MCF2L2: variants seen among roughly 807,000 people sequenced by gnomAD.
The protein encoded by MCF2L2 is probable guanine nucleotide exchange factor MCF2L2.
Under a neutral mutation model 150.2 loss-of-function variants are expected in MCF2L2, and 102 were observed. That is an observed-to-expected ratio of 0.68 (90% CI 0.58 to 0.80). The LOEUF (loss-of-function observed/expected upper bound fraction) is 0.80. MCF2L2 is among the 30% of genes least tolerant of loss of function. The probability of loss-of-function intolerance (pLI) is 0.00; values close to 1 mark genes in which losing one functional copy is unlikely to be tolerated. For synonymous variants in MCF2L2, 465 were observed against 491.3 expected (o/e 0.95, Z 0.71); for missense variants, 1,256 against 1,372.8 (o/e 0.91, Z 1.34).
At chr3:183,228,612 A>C (rs1723436267) in intron 17 of MCF2L2, among the ~76,000 whole-genome samples, 1 of 152,180 alleles carries the variant, frequency 6.6e-6, no homozygotes, top group South Asian at 2.1e-4. Context: ...ACAAAAAGAA[A>C]AATAAGAAAG....
intron 3 of MCF2L2, among the ~76,000 whole-genome samples, chr3:183,354,847 T>C (rs1711665680): frequency 6.6e-6 from 1 of 152,176 alleles, no homozygotes; most frequent in Non-Finnish European, 1.5e-5. Flanking sequence ...TTTACAGAGT[T>C]TGGCCCTTTT....
chr3:183,302,087 C>T (rs73066049), intron 10 of MCF2L2, among the ~76,000 whole-genome samples: 11,598 of 152,082 alleles, frequency 0.076, 1,116 homozygotes, highest in African/African-American at 0.22. Context: ...CTAATGAGCT[C>T]CCCTGGTAGA....
At chr3:183,399,524 C>T (rs1329729690) in intron 1 of MCF2L2, among the ~76,000 whole-genome samples, 1 of 152,216 alleles carries the variant, frequency 6.6e-6, no homozygotes, top group African/African-American at 2.4e-5. Flanking sequence ...GCTTTGAGAA[C>T]ATCTGTCCTG....
intron 15 of MCF2L2, among the ~76,000 whole-genome samples, chr3:183,241,518 C>T (rs1029956215): frequency 9.2e-5 from 14 of 152,146 alleles, no homozygotes; most frequent in Non-Finnish European, 1.6e-4. Flanking sequence ...TTATAAAGGG[C>T]GGTTCCCTTG....
At position 183,362,585 on chromosome 3, in the gene MCF2L2, C is replaced by T. The variant is rs866108740; in HGVS notation, c.275+16712G>A. On this transcript the variant is annotated intron_variant, in intron 3 of 29. Coordinates refer to ENST00000328913, the MANE Select transcript of MCF2L2 (RefSeq NM_015078.4). ...TAAAGGCAAAAAGAAGTAATAGGTA[C>T]AATTTAGCATCTTACAGGATTAAAA... is the stretch of plus-strand genomic sequence containing the variant. Among the ~76,000 whole-genome samples, 80 of 146,636 alleles carry T rather than the reference C, an allele frequency of 5.5e-4. 1 individual carries two copies. The Middle Eastern group carries it at 0.01, about 19-fold the overall frequency.
At chr3:183,200,663 A>G (rs1001764088) in intron 25 of MCF2L2, among the ~76,000 whole-genome samples, 3 of 152,248 alleles carry the variant, frequency 2.0e-5, no homozygotes, top group South Asian at 2.1e-4. Flanking sequence ...TTTTGTTGCC[A>G]TTGCTTTTGG....
intron 25 of MCF2L2, among the ~76,000 whole-genome samples, chr3:183,202,929 C>T (rs1303915338): frequency 6.6e-6 from 1 of 152,212 alleles, no homozygotes; most frequent in Non-Finnish European, 1.5e-5. Context: ...TGTTCCTAGG[C>T]CAGGTGCAGT....
intron 5 of MCF2L2, among the ~76,000 whole-genome samples, chr3:183,330,619 T>C (rs1479237837): frequency 3.3e-5 from 5 of 152,148 alleles, no homozygotes; most frequent in African/African-American, 1.2e-4. Flanking sequence ...TTCATAGAAC[T>C]GTACACCAAA....
At chr3:183,334,541 A>T (rs1010541953) in intron 5 of MCF2L2, among the ~76,000 whole-genome samples, 3 of 151,584 alleles carry the variant, frequency 2.0e-5, no homozygotes, top group African/African-American at 7.3e-5. Flanking sequence ...TAATACCGGC[A>T]CTTTGGGAGG....
chr3:183,391,479 G>A (rs1714146722), intron 1 of MCF2L2, among the ~76,000 whole-genome samples: 1 of 152,164 alleles, frequency 6.6e-6, no homozygotes, highest in Non-Finnish European at 1.5e-5. Flanking sequence ...CGGCATGGTA[G>A]TCACATTTTA....
At chr3:183,242,433 A>C (rs1321212126) in intron 15 of MCF2L2, among the ~76,000 whole-genome samples, 1 of 152,248 alleles carries the variant, frequency 6.6e-6, no homozygotes, top group Admixed American at 6.5e-5. Context: ...TGCTCTATGC[A>C]GTCTAGGGAC....
At chr3:183,408,076 A>G (rs1009526620) in intron 1 of MCF2L2, among the ~76,000 whole-genome samples, 3 of 151,704 alleles carry the variant, frequency 2.0e-5, no homozygotes, top group Admixed American at 6.6e-5. Context: ...GACGGTAAAC[A>G]TTTGCTCTCC....
At chr3:183,195,074 C>T (rs1026787375) in intron 26 of MCF2L2, 148 bp downstream of exon 26, 61 of 679,846 alleles carry the variant, frequency 9.0e-5, no homozygotes, top group South Asian at 4.7e-4. Context: ...TGAGCCACTG[C>T]GCCCAGCCAA....
chr3:183,338,614 T>C (rs1285129844), intron 5 of MCF2L2, among the ~76,000 whole-genome samples, 186 bp downstream of exon 5: 6 of 152,128 alleles, frequency 3.9e-5, no homozygotes, highest in African/African-American at 1.4e-4. Flanking sequence ...AAATGAGGCT[T>C]CCCATGGGCC....
At chr3:183,379,514 A>G (rs1339573566) in intron 2 of MCF2L2, 103 bp from the exon 3 acceptor site, 2 of 726,338 alleles carry the variant, frequency 2.8e-6, no homozygotes, top group Non-Finnish European at 2.4e-6. Flanking sequence ...TTTCCTACCT[A>G]TATTATCTCA....
At chr3:183,423,412 G>C (rs1286655771) in intron 1 of MCF2L2, among the ~76,000 whole-genome samples, 1 of 152,132 alleles carries the variant, frequency 6.6e-6, no homozygotes, top group Non-Finnish European at 1.5e-5. Flanking sequence ...CCACCAATCC[G>C]ATCTCCAATG....
At chr3:183,362,265 C>T (rs961874148) in intron 3 of MCF2L2, among the ~76,000 whole-genome samples, 2 of 152,006 alleles carry the variant, frequency 1.3e-5, no homozygotes, top group Admixed American at 6.6e-5. Flanking sequence ...CCACCACACC[C>T]GGTTAATTTT....
chr3:183,193,224 C>A, intron 26 of MCF2L2, 128 bp from the exon 27 acceptor site: 1 of 712,486 alleles, frequency 1.4e-6, no homozygotes, highest in Non-Finnish European at 2.5e-6. Context: ...CCTGCTGCTC[C>A]TCCCTCACCT....
intron 16 of MCF2L2, among the ~76,000 whole-genome samples, chr3:183,230,081 G>A (rs1418026970): frequency 6.6e-6 from 1 of 152,090 alleles, no homozygotes; most frequent in Non-Finnish European, 1.5e-5. Flanking sequence ...TGTACCCACT[G>A]TTTTATGAAC....
Sources: gnomAD v4.1 joint callset for allele counts (sites outside exome capture counted in the v4.1 genomes callset) on GRCh38, gnomAD v4.1.1 for gene constraint, MANE v1.5 for transcripts, NCBI Gene and HGNC (gene_info 2026-07-23, HGNC 2026-07-21) for gene names.